MYEF2: variants seen among roughly 807,000 people sequenced by gnomAD.
MYEF2 encodes the protein myelin expression factor 2.
A neutral mutation model predicts 75.2 loss-of-function variants in MYEF2; 37 were observed. The ratio of observed to expected loss-of-function variants is 0.49; its 90% CI spans 0.38 to 0.65. The LOEUF (loss-of-function observed/expected upper bound fraction) is 0.65, where lower values mean the gene tolerates loss of function less well. Ranked by LOEUF, MYEF2 falls within the 30% of genes least tolerant of loss-of-function variation. The probability of loss-of-function intolerance (pLI) is 0.00; values close to 1 mark genes in which losing one functional copy is unlikely to be tolerated. For synonymous variants in MYEF2, 195 were observed against 241.6 expected (o/e 0.81, Z 1.79); for missense variants, 634 against 771.4 (o/e 0.82, Z 2.11).
At chr15:48,157,919 C>A (rs2039764697) in intron 9 of MYEF2, 74 bp downstream of exon 9, 1 of 1,578,558 alleles carries the variant, frequency 6.3e-7, no homozygotes, top group Admixed American at 1.9e-5. Flanking sequence ...GGCACAAAAA[C>A]AAAGTGTTGC....
intron 9 of MYEF2, among the ~76,000 whole-genome samples, chr15:48,156,925 G>T (rs2140872485): frequency 6.6e-6 from 1 of 152,108 alleles, no homozygotes; most frequent in East Asian, 1.9e-4. Flanking sequence ...TCCATAAGTT[G>T]TTTCCTCTGG....
chr15:48,136,648 C>A lies in MYEF2; in HGVS notation c.*6260G>T. On this transcript the variant is annotated 3_prime_UTR_variant, in exon 17 of 17. Coordinates refer to ENST00000324324, the MANE Select transcript of MYEF2 (RefSeq NM_016132.5). ...GCTATCAACTCTAAAATGACTTTCA[C>A]TTTTAATTTAAAAACACAAATTTCT... The A allele has an allele frequency of 6.4e-7, 1 of 1,556,774 alleles. No individual in the cohort carries two copies. The highest frequency in any genetic ancestry group is 2.3e-5 in the East Asian group (1 of 44,322).
intron 5 of MYEF2, among the ~76,000 whole-genome samples, chr15:48,160,272 C>T (rs964784399): frequency 2.6e-5 from 4 of 151,870 alleles, no homozygotes; most frequent in African/African-American, 4.8e-5. Flanking sequence ...ATAGGATGGC[C>T]GACTGTAATC....
At chr15:48,159,825 T>C in intron 5 of MYEF2, 21 bp from the exon 6 acceptor site, 1 of 1,583,104 alleles carries the variant, frequency 6.3e-7, no homozygotes, top group East Asian at 2.3e-5. Context: ...CATTGAATGT[T>C]AAATTCCACT....
chr15:48,176,819 T>A (rs2040542990), intron 1 of MYEF2, among the ~76,000 whole-genome samples: 1 of 152,214 alleles, frequency 6.6e-6, no homozygotes. Flanking sequence ...CCTCAATTAC[T>A]GAGGTGCACC....
chr15:48,177,609 G>A (rs2040586704), intron 1 of MYEF2, among the ~76,000 whole-genome samples: 1 of 151,926 alleles, frequency 6.6e-6, no homozygotes, highest in Non-Finnish European at 1.5e-5. Context: ...AACTTGTGAA[G>A]CTCAGAAAGA....
At chr15:48,163,095 T>A (rs1486820695) in intron 5 of MYEF2, among the ~76,000 whole-genome samples, 1 of 152,144 alleles carries the variant, frequency 6.6e-6, no homozygotes, top group Non-Finnish European at 1.5e-5. Context: ...TGAAGGAAAC[T>A]TAAAGTGCTA....
intron 13 of MYEF2, 149 bp downstream of exon 13, chr15:48,151,324 C>A: frequency 1.0e-6 from 1 of 988,322 alleles, no homozygotes; most frequent in Non-Finnish European, 1.6e-6. Context: ...AAAAAGAGAG[C>A]TAGCATATTA....
chr15:48,178,007 C>T (rs2040616371), intron 1 of MYEF2, 70 bp downstream of exon 1: 1 of 1,529,470 alleles, frequency 6.5e-7, no homozygotes, highest in African/African-American at 1.4e-5. Flanking sequence ...GGGGCACAGC[C>T]CGGCCTCTAG....
Position 48,145,264 on chromosome 15 carries a change from T to C in MYEF2, c.1640-2193A>G, listed in dbSNP as rs192204455. Among the ~76,000 whole-genome samples, 172 of 151,968 alleles carry C rather than the reference T, an allele frequency of 1.1e-3. 1 individual carries two copies. Among genetic ancestry groups the C allele is most frequent in the Admixed American group, 2.2e-3 (33 of 15,242 alleles). ...GTACAGAACCAGAAAGAGTTATAGA[T>C]GTTCTAAGTTTCTTCCTGATCCTAT... On this transcript the variant is annotated intron_variant, in intron 16 of 16. Transcript: ENST00000324324.
In MYEF2 at chr15:48,149,265, C is replaced by T; in HGVS notation, c.1485G>A (p.Leu495=). Residue 495 remains leucine (L), a synonymous_variant, in exon 15 of 17, where the codon CTG becomes CTA. Coordinates refer to ENST00000324324, the MANE Select transcript of MYEF2 (RefSeq NM_016132.5). This position sits in a 1 kb window ranked among gnomAD's most constrained non-coding sequence, Gnocchi z 4.0. ...DRMGPGIGAI[L]ERSIDMDRGF... ...CTCGATCCATATCGATGCTCCTTTC[C>T]AGTATAGCTCCTATACCTGGTCCCA... is the stretch of plus-strand genomic sequence containing the variant. 3.1e-6 allele frequency: 5 copies of T among 1,613,380 alleles called. No homozygotes were observed. The highest frequency in any genetic ancestry group is 1.7e-5 in the Admixed American group (1 of 59,926).
rs1198879415 is a variant in MYEF2, at chr15:48,165,933, C to T, written c.525G>A (p.Glu175=). 2.0e-6 allele frequency: 3 copies of T among 1,504,616 alleles called. No individual in the cohort carries two copies. Among genetic ancestry groups the T allele is most frequent in the Non-Finnish European group, 2.7e-6 (3 of 1,107,252 alleles). The allele number at this position is 1,504,616 out of a possible 1,614,324, so 93.2% of individuals were successfully genotyped here. A position where few individuals can be genotyped will look rare whatever the true frequency, so the allele number is the denominator to read the frequency against. Residue 175 remains glutamate, a splice_region_variant and synonymous_variant, in exon 5 of 17, where the codon GAG becomes GAA. Transcript: ENST00000324324. The part of the protein sequence containing the change: ...DLSGRPLNIK[E]DPDGENARRA... ...AAATTCTAAATATGAGAAATCTTAC[C>T]TCTTTAATATTAAGGGGTCTTCCAC... is the stretch of plus-strand genomic sequence containing the variant.
intron 10 of MYEF2, 42 bp from the exon 11 acceptor site, chr15:48,152,326 T>G (rs2039522412): frequency 6.6e-7 from 1 of 1,515,244 alleles, no homozygotes; most frequent in South Asian, 1.2e-5. Context: ...TATATTTTAT[T>G]TTTATGACTA....
At chr15:48,155,212 G>T (rs535583341) in intron 9 of MYEF2, among the ~76,000 whole-genome samples, 16 of 151,868 alleles carry the variant, frequency 1.1e-4, no homozygotes, top group African/African-American at 3.6e-4. Context: ...AAAAAAATAG[G>T]AAAAATGTAC....
intron 14 of MYEF2, 56 bp downstream of exon 14, chr15:48,151,044 A>G: frequency 8.1e-7 from 1 of 1,238,734 alleles, no homozygotes; most frequent in Non-Finnish European, 1.2e-6. Context: ...ACTCTTGCAA[A>G]GTCTTTGCAA....
At position 48,142,278 on chromosome 15, in the gene MYEF2, G is replaced by A. The variant is rs2039118328; in HGVS notation, c.*630C>T. The A allele has an allele frequency of 6.2e-7, 1 of 1,613,486 alleles. No homozygotes were observed. Among genetic ancestry groups the A allele is most frequent in the Non-Finnish European group, 8.5e-7 (1 of 1,179,696 alleles). On this transcript the variant is annotated 3_prime_UTR_variant, in exon 17 of 17. Coordinates refer to ENST00000324324, the MANE Select transcript of MYEF2 (RefSeq NM_016132.5). ...ATAGTCTGCCTATTATCATACTTGG[G>A]GCTTGCTACATTATCAGTTCTATAT...
Position 48,137,962 on chromosome 15 carries a change from C to G in MYEF2, c.*4946G>C, listed in dbSNP as rs1430447253. 1 of 151,936 alleles carries G rather than the reference C, an allele frequency of 6.6e-6. No homozygotes were observed. The highest frequency in any genetic ancestry group is 1.5e-5 in the Non-Finnish European group (1 of 67,950). The allele number at this position is 151,936 out of a possible 1,614,324, so 9.4% of individuals were successfully genotyped here. ...AAAACAGATTCTAAATTTAATTAAG[C>G]CTTTAGGAGGGTTTTATTCTAATCT... is the stretch of plus-strand genomic sequence containing the variant. On this transcript the variant is annotated 3_prime_UTR_variant, in exon 17 of 17. Transcript: ENST00000324324.
intron 5 of MYEF2, chr15:48,162,722 C>A (rs1019113222): frequency 2.0e-5 from 3 of 152,086 alleles, no homozygotes; most frequent in Non-Finnish European, 2.9e-5. Flanking sequence ...AATATCTCAA[C>A]CTTCTTCATT....
Position 48,178,265 on chromosome 15 carries a change from G to A in MYEF2, c.-28C>T. 1 of 1,382,658 alleles carries A rather than the reference G, an allele frequency of 7.2e-7. No homozygotes were observed. Among genetic ancestry groups the A allele is most frequent in the Non-Finnish European group, 9.3e-7 (1 of 1,073,862 alleles). The allele number at this position is 1,382,658 out of a possible 1,614,324, so 85.6% of individuals were successfully genotyped here. A position where few individuals can be genotyped will look rare whatever the true frequency, so the allele number is the denominator to read the frequency against. ...CGCCGCCGCTGCCTCCGCCTCGGCC[G>A]CCTGAGCTGAGGGGCTCCGAGCGCG... On this transcript the variant is annotated 5_prime_UTR_variant, in exon 1 of 17. Transcript: ENST00000324324.
Sources: allele counts gnomAD v4.1 joint callset (sites outside exome capture counted in the v4.1 genomes callset), GRCh38; gene constraint gnomAD v4.1.1; non-coding constraint Gnocchi (gnomAD v3.1); transcripts MANE v1.5; gene names NCBI Gene and HGNC (gene_info 2026-07-23, HGNC 2026-07-21).